Variants in ADARB2 observed in about 807,000 individuals in gnomAD.
The protein encoded by ADARB2 is inactive double-stranded RNA-specific editase B2.
ADARB2 carries 25 observed loss-of-function variants against 62.2 expected under a neutral mutation model. That is an observed-to-expected ratio of 0.40 (90% CI 0.29 to 0.56). The LOEUF (loss-of-function observed/expected upper bound fraction) is 0.56. ADARB2 is among the 20% of genes least tolerant of loss of function. The pLI is 0.43. For missense variants in ADARB2, 1,071 were observed against 1,077.4 expected (o/e 0.99, Z 0.08); for synonymous variants, 572 against 500.8 (o/e 1.14, Z -1.90).
intron 1 of ADARB2, among the ~76,000 whole-genome samples, chr10:1,421,704 T>G (rs903227676): frequency 2.0e-5 from 3 of 152,102 alleles, no homozygotes; most frequent in Admixed American, 6.5e-5. Flanking sequence ...TAGTGTTGAC[T>G]GTTTGTTTTG....
At chr10:1,667,020 T>C (rs1834325035) in intron 1 of ADARB2, among the ~76,000 whole-genome samples, 1 of 152,252 alleles carries the variant, frequency 6.6e-6, no homozygotes, top group South Asian at 2.1e-4. Flanking sequence ...TTTTAAGTTA[T>C]TGTTATGTAA....
rs373238392 is a variant in ADARB2 at position 1,226,297 on chromosome 10, G to A, written c.1513+7397C>T. ...AGGACTTCTCTGCATTGGTTATTCA[G>A]TTATCCATTCATCTAATTTTTTTTC... is the stretch of plus-strand genomic sequence containing the variant. On this transcript the variant is annotated intron_variant, in intron 6 of 9. Transcript: ENST00000381312. Among the ~76,000 whole-genome samples the A allele has an allele frequency of 1.1e-4, 16 of 152,238 alleles. No homozygotes were observed. In the South Asian group the frequency reaches 3.3e-3, roughly 32 times the overall value.
intron 1 of ADARB2, among the ~76,000 whole-genome samples, chr10:1,698,937 T>C (rs1474876170): frequency 1.3e-5 from 2 of 152,170 alleles, no homozygotes; most frequent in East Asian, 3.9e-4. Flanking sequence ...ACTTTTGTAT[T>C]TTTAGTAGAG....
intron 7 of ADARB2, among the ~76,000 whole-genome samples, chr10:1,207,603 C>T (rs1174413894): frequency 1.3e-5 from 2 of 152,082 alleles, no homozygotes; most frequent in Admixed American, 6.5e-5. Context: ...CAGCTGATCT[C>T]TAGGTGGGGG....
intron 1 of ADARB2, among the ~76,000 whole-genome samples, chr10:1,457,281 G>A (rs1487928029): frequency 6.6e-6 from 1 of 152,192 alleles, no homozygotes; most frequent in Non-Finnish European, 1.5e-5. Context: ...TGGCCAGGGC[G>A]CTGGACACGA....
intron 6 of ADARB2, among the ~76,000 whole-genome samples, chr10:1,220,225 GTGA>G (rs1364272585): frequency 1.3e-5 from 2 of 149,278 alleles, no homozygotes; most frequent in African/African-American, 2.5e-5. Context: ...GATGGTGATG[GTGA>G]TGATGGTGGT....
intron 1 of ADARB2, among the ~76,000 whole-genome samples, chr10:1,639,233 A>G (rs1199618252): frequency 1.3e-5 from 2 of 152,136 alleles, no homozygotes; most frequent in African/African-American, 4.8e-5. Context: ...CGCATCCAGG[A>G]GGCTGACCGC....
chr10:1,591,474 G>A (rs369980127), intron 1 of ADARB2, among the ~76,000 whole-genome samples: 2 of 152,226 alleles, frequency 1.3e-5, no homozygotes, highest in African/African-American at 4.8e-5. Context: ...GGCTGCATTT[G>A]GGGGCAGGGG....
intron 1 of ADARB2, among the ~76,000 whole-genome samples, chr10:1,626,106 G>T (rs908751514): frequency 2.2e-5 from 3 of 135,104 alleles, no homozygotes; most frequent in African/African-American, 9.3e-5. Flanking sequence ...GCCTCCACTG[G>T]ACCTCAGACA....
At chr10:1,229,260 T>C (rs764677557) in intron 6 of ADARB2, among the ~76,000 whole-genome samples, 6 of 152,156 alleles carry the variant, frequency 3.9e-5, no homozygotes, top group Non-Finnish European at 8.8e-5. Flanking sequence ...CCCAGGAAAG[T>C]GGGGCTGGAT....
At chr10:1,440,384 C>T (rs1369531230) in intron 1 of ADARB2, among the ~76,000 whole-genome samples, 1 of 151,266 alleles carries the variant, frequency 6.6e-6, no homozygotes, top group African/African-American at 2.4e-5. Context: ...AATATTATAT[C>T]TCCAGTCCTT....
At chr10:1,259,988 G>A (rs1589168119) in intron 4 of ADARB2, among the ~76,000 whole-genome samples, 1 of 152,146 alleles carries the variant, frequency 6.6e-6, no homozygotes, top group Non-Finnish European at 1.5e-5. Context: ...ATGCAAGGCT[G>A]GTTCAACATA....
At chr10:1,226,026 C>A (rs906783037) in intron 6 of ADARB2, among the ~76,000 whole-genome samples, 1 of 152,170 alleles carries the variant, frequency 6.6e-6, no homozygotes, top group African/African-American at 2.4e-5. Flanking sequence ...GTTCCATTCT[C>A]CCCATCACTT....
At chr10:1,630,160 TTTC>T (rs1201021182) in intron 1 of ADARB2, among the ~76,000 whole-genome samples, 3 of 152,194 alleles carry the variant, frequency 2.0e-5, no homozygotes, top group Admixed American at 1.3e-4. Flanking sequence ...GAGATAATTA[TTTC>T]TTTATACATT....
chr10:1,608,726 AG>A (rs373703485), intron 1 of ADARB2, among the ~76,000 whole-genome samples: 47 of 147,044 alleles, frequency 3.2e-4, no homozygotes, highest in African/African-American at 9.0e-4. Flanking sequence ...GAAAGAAAAA[AG>A]TAAGAAAGAA....
chr10:1,508,140 C>T (rs151183180), intron 1 of ADARB2, among the ~76,000 whole-genome samples: 68 of 152,296 alleles, frequency 4.5e-4, no homozygotes, highest in African/African-American at 1.5e-3. Context: ...ACACGGCCAG[C>T]GAGACCTTGA....
intron 8 of ADARB2, among the ~76,000 whole-genome samples, chr10:1,190,878 G>A (rs555983784): frequency 2.6e-5 from 4 of 152,354 alleles, no homozygotes; most frequent in Admixed American, 6.5e-5. Flanking sequence ...ACTTGGCATC[G>A]GTGGGGGCCA....
At chr10:1,258,080 G>GCTTCTTT in intron 4 of ADARB2, among the ~76,000 whole-genome samples, 1 of 152,266 alleles carries the variant, frequency 6.6e-6, no homozygotes, top group Admixed American at 6.5e-5. Flanking sequence ...ATTTCCTGAA[G>GCTTCTTT]CTTCTTTCTT....
intron 1 of ADARB2, among the ~76,000 whole-genome samples, chr10:1,470,768 G>A (rs563057581): frequency 1.3e-5 from 2 of 152,360 alleles, no homozygotes; most frequent in East Asian, 3.9e-4. Context: ...GCCAGGGGCG[G>A]TGGCTCACGC....
Sources: gnomAD v4.1 joint callset for allele counts (sites outside exome capture counted in the v4.1 genomes callset) on GRCh38, gnomAD v4.1.1 for gene constraint, MANE v1.5 for transcripts, NCBI Gene and HGNC (gene_info 2026-07-23, HGNC 2026-07-21) for gene names.